Variants in PELI2 observed in about 807,000 individuals in gnomAD.
The protein encoded by PELI2 is E3 ubiquitin-protein ligase pellino homolog 2.
In PELI2, 23 loss-of-function variants were observed where a neutral mutation model predicts 42.3. The observed-to-expected ratio is 0.54, with a 90% CI of 0.39 to 0.77. The LOEUF is 0.77. Ranked by LOEUF, PELI2 falls within the 30% of genes least tolerant of loss-of-function variation. PELI2 has a pLI of 0.00. For synonymous variants in PELI2, 245 were observed against 212.2 expected, an observed-to-expected ratio of 1.15 and a Z score of -1.34; for missense variants, 463 against 553.2, an observed-to-expected ratio of 0.84 and a Z score of 1.64.
At position 56,279,734 on chromosome 14, in the gene PELI2, T is replaced by C; in HGVS notation, c.266T>C (p.Val89Ala). 2 of 1,604,450 alleles carry C rather than the reference T, an allele frequency of 1.2e-6. No individual in the cohort carries two copies. The highest frequency in any genetic ancestry group is 2.2e-5 in the East Asian group (1 of 44,754). Reference protein sequence around the residue: ...ISYTLSRNQTVVVEYTHDKDT... With the variant: ...ISYTLSRNQTAVVEYTHDKDT... Reference sequence around the variant, plus strand: ...TACACTTTGTCAAGGAATCAGACTGTGGTGGTGGAGTACACACATGATAAG... The same window carrying C: ...TACACTTTGTCAAGGAATCAGACTGCGGTGGTGGAGTACACACATGATAAG... The change falls in exon 3 of 6, where the codon GTG (valine) becomes GCG (alanine). Residue 89 changes from valine to alanine, a missense_variant. By Grantham distance (64) the Val-to-Ala change is moderately conservative (BLOSUM62 0). Transcript: ENST00000267460.
intron 2 of PELI2, among the ~76,000 whole-genome samples, chr14:56,217,415 A>C (rs1283580531): frequency 6.6e-6 from 1 of 152,222 alleles, no homozygotes; most frequent in African/African-American, 2.4e-5. Context: ...CATTAATCTC[A>C]CAGAGGAGAT....
At chr14:56,183,502 A>T (rs1353813840) in intron 2 of PELI2, among the ~76,000 whole-genome samples, 1 of 152,170 alleles carries the variant, frequency 6.6e-6, no homozygotes, top group African/African-American at 2.4e-5. Context: ...TCTGACATTA[A>T]GTATTTATTA....
intron 2 of PELI2, among the ~76,000 whole-genome samples, chr14:56,230,730 G>C (rs1308881754): frequency 1.3e-5 from 2 of 152,116 alleles, no homozygotes; most frequent in East Asian, 3.8e-4. Flanking sequence ...ACAATGACAG[G>C]ATCAAATTCA....
In PELI2 at chr14:56,297,940, A is replaced by G. The variant is rs1015899086; in HGVS notation, c.*774A>G. The G allele has an allele frequency of 2.6e-5, 4 of 152,208 alleles. No homozygotes were observed. The highest frequency in any genetic ancestry group is 2.1e-4 in the South Asian group (1 of 4,826). The allele number at this position is 152,208 out of a possible 1,614,324, so 9.4% of individuals were successfully genotyped here. Reference sequence around the variant, plus strand: ...GGCCAGAACTGTTTGGTTGATTAAAATACATCAGCTCTTAAAAACTCATTA... The same window carrying G: ...GGCCAGAACTGTTTGGTTGATTAAAGTACATCAGCTCTTAAAAACTCATTA... On this transcript the variant is annotated 3_prime_UTR_variant, in exon 6 of 6. Coordinates refer to ENST00000267460, the MANE Select transcript of PELI2 (RefSeq NM_021255.3).
chr14:56,185,484 T>G (rs1232305380), intron 2 of PELI2, among the ~76,000 whole-genome samples: 1 of 152,206 alleles, frequency 6.6e-6, no homozygotes, highest in African/African-American at 2.4e-5. Flanking sequence ...CAGGCAGTGT[T>G]ACTTTCACTG....
At chr14:56,245,132 T>A (rs1244975579) in intron 2 of PELI2, among the ~76,000 whole-genome samples, 1 of 152,248 alleles carries the variant, frequency 6.6e-6, no homozygotes, top group Non-Finnish European at 1.5e-5. Context: ...AGGTTTCCAA[T>A]AAATTCCAAG....
In PELI2 at chr14:56,296,582, G is replaced by C. The variant is rs778398071; in HGVS notation, c.697-18G>C. 6.4e-7 allele frequency: 1 copy of C among 1,553,980 alleles called. No homozygotes were observed. The highest frequency in any genetic ancestry group is 1.4e-5 in the African/African-American group (1 of 73,144). On this transcript the variant is annotated intron_variant, in intron 5 of 5. Transcript: ENST00000267460. Reference sequence around the variant, plus strand: ...TTGATTTTGCTTTTAAAAGGCATGTGTCTCAAACTTGTTGTAGGTGGAAAG... The same window carrying C: ...TTGATTTTGCTTTTAAAAGGCATGTCTCTCAAACTTGTTGTAGGTGGAAAG...
intron 1 of PELI2, among the ~76,000 whole-genome samples, chr14:56,177,807 A>G (rs561814321): frequency 6.6e-6 from 1 of 152,388 alleles, no homozygotes; most frequent in Admixed American, 6.5e-5. Context: ...TCAAACAGAA[A>G]TGAGAGTGAA....
Position 56,293,335 on chromosome 14 carries a change from T to TA in PELI2, c.696+2883dup, listed in dbSNP as rs1485575449. Reference sequence around the variant, plus strand: ...TTCTTTTGTGGTAGAATTTAAAAAATAAAATCTGAATTCATGCCTACTAAT... The same window carrying TA: ...TTCTTTTGTGGTAGAATTTAAAAAATAAAAATCTGAATTCATGCCTACTAAT... On this transcript the variant is annotated intron_variant, in intron 5 of 5. Transcript: ENST00000267460. 5.3e-5 allele frequency among the ~76,000 whole-genome samples: 8 copies of TA among 152,280 alleles called. No individual in the cohort carries two copies. The East Asian group carries it at 1.5e-3, about 29-fold the overall frequency.
chr14:56,274,096 C>T (rs1157476772), intron 2 of PELI2, among the ~76,000 whole-genome samples: 3 of 152,124 alleles, frequency 2.0e-5, no homozygotes, highest in Non-Finnish European at 4.4e-5. Context: ...TCCCACTGGC[C>T]GAAAGTGGAT....
intron 1 of PELI2, among the ~76,000 whole-genome samples, chr14:56,134,369 T>C (rs1883609395): frequency 2.0e-5 from 3 of 152,226 alleles, no homozygotes. Flanking sequence ...AATTAGTTGC[T>C]CTGGTTTCTT....
intron 5 of PELI2, among the ~76,000 whole-genome samples, chr14:56,293,274 C>T (rs1202017769): frequency 3.9e-5 from 6 of 152,258 alleles, no homozygotes; most frequent in African/African-American, 1.2e-4. Context: ...CTCTTGCTTC[C>T]ACAATACTGT....
At chr14:56,185,405 C>G (rs1434464358) in intron 2 of PELI2, among the ~76,000 whole-genome samples, 19 of 152,144 alleles carry the variant, frequency 1.2e-4, no homozygotes, top group Admixed American at 1.2e-3. Context: ...ATTAGGCTCT[C>G]TTATTTAAAT....
At chr14:56,250,181 C>A (rs1342279726) in intron 2 of PELI2, among the ~76,000 whole-genome samples, 1 of 152,148 alleles carries the variant, frequency 6.6e-6, no homozygotes, top group Non-Finnish European at 1.5e-5. Context: ...TGGAGCACTG[C>A]CTGATGCACT....
chr14:56,259,986 C>T lies in PELI2; in HGVS notation c.208-19690C>T, dbSNP rs565184417. ...AGAAGACCTAAATAAAATGGAGAGA[C>T]GAACCATATTTCTGGATATTATTGA... is the stretch of plus-strand genomic sequence containing the variant. On this transcript the variant is annotated intron_variant, in intron 2 of 5. Transcript: ENST00000267460. Among the ~76,000 whole-genome samples the T allele has an allele frequency of 2.6e-4, 39 of 152,110 alleles. 1 individual carries two copies. Among genetic ancestry groups the T allele is most frequent in the South Asian group, 1.9e-3 (9 of 4,826 alleles).
rs1888764950 is a variant in PELI2, at chr14:56,262,934, C to A, written c.208-16742C>A. The stretch of plus-strand genomic sequence containing the variant: ...TTTACCCAAATTTTTTTTTAGTGAC[C>A]TGTTTTATCTGGGGGTTGTTTATAA... On this transcript the variant is annotated intron_variant, in intron 2 of 5. Transcript: ENST00000267460. Among the ~76,000 whole-genome samples, 4 of 151,668 alleles carry A rather than the reference C, an allele frequency of 2.6e-5. No individual in the cohort carries two copies. The South Asian group carries it at 8.3e-4, about 32-fold the overall frequency.
intron 2 of PELI2, among the ~76,000 whole-genome samples, chr14:56,198,219 G>A (rs1011062224): frequency 2.0e-5 from 3 of 152,190 alleles, no homozygotes; most frequent in Non-Finnish European, 2.9e-5. Flanking sequence ...AAAGAGTTTG[G>A]TTTGGGTCTT....
At chr14:56,241,718 A>C (rs1000417550) in intron 2 of PELI2, among the ~76,000 whole-genome samples, 1 of 152,166 alleles carries the variant, frequency 6.6e-6, no homozygotes, top group Non-Finnish European at 1.5e-5. Context: ...GGGGAAAATG[A>C]GGTTTGATTT....
chr14:56,182,044 G>A (rs545897668), intron 2 of PELI2, among the ~76,000 whole-genome samples: 2 of 152,128 alleles, frequency 1.3e-5, no homozygotes, highest in South Asian at 4.1e-4. Flanking sequence ...ACATCCACAT[G>A]GAGCTAAATG....
Sources: gnomAD v4.1 joint callset for allele counts (sites outside exome capture counted in the v4.1 genomes callset) on GRCh38, gnomAD v4.1.1 for gene constraint, MANE v1.5 for transcripts, NCBI Gene and HGNC (gene_info 2026-07-23, HGNC 2026-07-21) for gene names.